The following RBFOX1 variants were observed in gnomAD, a reference collection of about 807,000 sequenced individuals.
RBFOX1 encodes RNA binding protein fox-1 homolog 1.
Under a neutral mutation model 57.7 loss-of-function variants are expected in RBFOX1, and 8 were observed. The ratio of observed to expected loss-of-function variants is 0.14; its 90% CI spans 0.08 to 0.25. RBFOX1 has a LOEUF of 0.25. Ranked by LOEUF, RBFOX1 falls within the 10% of genes least tolerant of loss-of-function variation. The pLI is 1.00. For synonymous variants in RBFOX1, 326 were observed against 222.4 expected, an observed-to-expected ratio of 1.47 and a Z score of -4.15; for missense variants, 611 against 548.5, an observed-to-expected ratio of 1.11 and a Z score of -1.14.
At chr16:6,389,996 G>T (rs1374606904) in intron 2 of RBFOX1, among the ~76,000 whole-genome samples, 1 of 152,144 alleles carries the variant, frequency 6.6e-6, no homozygotes, top group Non-Finnish European at 1.5e-5. Context: ...GGAAGGCCGG[G>T]GAAACTGTGT....
intron 4 of RBFOX1, among the ~76,000 whole-genome samples, chr16:7,292,553 CAA>C (rs2095812637): frequency 6.9e-6 from 1 of 145,046 alleles, no homozygotes; most frequent in African/African-American, 2.5e-5. Context: ...CACACACACA[CAA>C]ATATATAACA....
At chr16:7,300,633 G>T (rs993575136) in intron 4 of RBFOX1, among the ~76,000 whole-genome samples, 1 of 151,798 alleles carries the variant, frequency 6.6e-6, no homozygotes, top group Non-Finnish European at 1.5e-5. Context: ...TTAGTGGAAT[G>T]TCTGCTATTT....
chr16:5,412,523 A>G (rs2067048752), intron 1 of RBFOX1, among the ~76,000 whole-genome samples: 1 of 152,314 alleles, frequency 6.6e-6, no homozygotes, highest in Middle Eastern at 3.4e-3. Flanking sequence ...CACAAAGCAC[A>G]CAGGTACACA....
At chr16:6,590,855 A>G (rs568419678) in intron 2 of RBFOX1, among the ~76,000 whole-genome samples, 3 of 152,282 alleles carry the variant, frequency 2.0e-5, no homozygotes, top group Admixed American at 1.3e-4. Flanking sequence ...ACATGCAAGA[A>G]TTGTACAGTT....
rs150568489 is a variant in RBFOX1, at chr16:7,538,435, A to G, written c.270+20046A>G. On this transcript the variant is annotated intron_variant, in intron 5 of 15. Transcript: ENST00000550418. ...GAAAATGTAATTCTCCTCAACTTCT[A>G]TTACTATTATAGTGTTGCTGTTATT... 3.3e-3 allele frequency among the ~76,000 whole-genome samples: 506 copies of G among 152,216 alleles called. 5 individuals are homozygous for G. The highest frequency in any genetic ancestry group is 0.011 in the African/African-American group (460 of 41,542).
chr16:5,752,753 A>G (rs2053255239), intron 3 of RBFOX1, among the ~76,000 whole-genome samples: 2 of 152,228 alleles, frequency 1.3e-5, no homozygotes, highest in African/African-American at 4.8e-5. Flanking sequence ...AATTTTGCCA[A>G]GCCTGGAGAT....
chr16:7,566,900 G>T (rs2091817655), intron 5 of RBFOX1, among the ~76,000 whole-genome samples: 1 of 151,714 alleles, frequency 6.6e-6, no homozygotes, highest in Non-Finnish European at 1.5e-5. Flanking sequence ...CCCAAAAGGT[G>T]GTCCACAGTT....
At chr16:7,217,310 T>TTTA (rs2092272217) in intron 4 of RBFOX1, among the ~76,000 whole-genome samples, 1 of 146,370 alleles carries the variant, frequency 6.8e-6, no homozygotes, top group Admixed American at 6.8e-5. Context: ...TTTTTTTTTT[T>TTTA]AGTAGAGATG....
At chr16:7,588,753 C>G (rs2094273678) in intron 7 of RBFOX1, among the ~76,000 whole-genome samples, 1 of 152,138 alleles carries the variant, frequency 6.6e-6, no homozygotes, top group East Asian at 1.9e-4. Flanking sequence ...CCATCTTTCC[C>G]CCATAAAACA....
intron 3 of RBFOX1, among the ~76,000 whole-genome samples, chr16:6,963,179 AT>A (rs1034533310): frequency 6.6e-6 from 1 of 151,428 alleles, no homozygotes; most frequent in Non-Finnish European, 1.5e-5. Context: ...TAGCACTGCT[AT>A]TTTTTTTCGG....
intron 1 of RBFOX1, among the ~76,000 whole-genome samples, chr16:5,249,324 C>A (rs937854155): frequency 2.6e-5 from 4 of 152,200 alleles, no homozygotes; most frequent in African/African-American, 9.7e-5. Flanking sequence ...CTGTGCCCCC[C>A]ACCTTGTCCC....
At chr16:7,517,823 CA>C (rs35825566) in intron 4 of RBFOX1, among the ~76,000 whole-genome samples, 3,447 of 124,664 alleles carry the variant, frequency 0.028, 92 homozygotes, top group African/African-American at 0.078. Context: ...AAGGATCTGC[CA>C]AAAAAAAAAA....
At chr16:5,707,048 C>G (rs1422896115) in intron 3 of RBFOX1, among the ~76,000 whole-genome samples, 2 of 152,180 alleles carry the variant, frequency 1.3e-5, no homozygotes, top group Non-Finnish European at 2.9e-5. Context: ...CAGCAGAGCA[C>G]CCATCCAGGG....
intron 1 of RBFOX1, among the ~76,000 whole-genome samples, chr16:5,431,113 C>T (rs894820220): frequency 2.0e-5 from 3 of 152,134 alleles, no homozygotes; most frequent in Admixed American, 6.5e-5. Flanking sequence ...TTTATAGGAA[C>T]GTGTAAGTCC....
chr16:6,336,326 G>C (rs2152817489), intron 2 of RBFOX1, among the ~76,000 whole-genome samples: 1 of 149,382 alleles, frequency 6.7e-6, no homozygotes, highest in Non-Finnish European at 1.5e-5. Context: ...CTCCCGTGTA[G>C]CTGGGACTAT....
At chr16:7,670,393 G>A (rs1051907593) in intron 13 of RBFOX1, among the ~76,000 whole-genome samples, 2 of 152,152 alleles carry the variant, frequency 1.3e-5, no homozygotes, top group African/African-American at 4.8e-5. Flanking sequence ...TTCAGACACT[G>A]GGCCTTGAGC....
intron 3 of RBFOX1, among the ~76,000 whole-genome samples, chr16:6,932,828 C>G (rs1288082583): frequency 6.6e-6 from 1 of 152,158 alleles, no homozygotes; most frequent in Non-Finnish European, 1.5e-5. Flanking sequence ...TAACCATGGC[C>G]ACTGTACATC....
At chr16:6,679,878 G>GGT (rs1487919870) in intron 3 of RBFOX1, among the ~76,000 whole-genome samples, 1 of 114,304 alleles carries the variant, frequency 8.7e-6, no homozygotes, top group African/African-American at 3.9e-5. Context: ...GTTTCTACTT[G>GGT]TTTTTTTTTT....
chr16:5,717,153 G>T (rs1428907139), intron 3 of RBFOX1, among the ~76,000 whole-genome samples: 1 of 152,132 alleles, frequency 6.6e-6, no homozygotes, highest in African/African-American at 2.4e-5. Flanking sequence ...GGACTTTCAT[G>T]AATCCAGCAG....
Sources: allele counts gnomAD v4.1 joint callset (sites outside exome capture counted in the v4.1 genomes callset), GRCh38; gene constraint gnomAD v4.1.1; transcripts MANE v1.5; gene names NCBI Gene and HGNC (gene_info 2026-07-23, HGNC 2026-07-21).